Variants in FRMD4A observed in about 807,000 individuals in gnomAD.
FRMD4A encodes FERM domain-containing protein 4A.
In FRMD4A, 29 loss-of-function variants were observed where a neutral mutation model predicts 129.1. The ratio of observed to expected loss-of-function variants is 0.22; its 90% CI spans 0.17 to 0.31. FRMD4A has a LOEUF of 0.31. FRMD4A is among the 10% of genes least tolerant of loss of function. FRMD4A has a pLI of 1.00. For synonymous variants in FRMD4A, 634 were observed against 571.6 expected (o/e 1.11, Z -1.56); for missense variants, 1,272 against 1,375.8 (o/e 0.92, Z 1.19).
chr10:14,089,951 T>C (rs377461555), intron 2 of FRMD4A, among the ~76,000 whole-genome samples: 19 of 152,370 alleles, frequency 1.2e-4, no homozygotes, highest in African/African-American at 4.6e-4. Flanking sequence ...AAATAGATCT[T>C]GCTCTACCCT....
intron 2 of FRMD4A, among the ~76,000 whole-genome samples, chr10:13,863,520 G>A (rs563833269): frequency 6.6e-6 from 1 of 152,320 alleles, no homozygotes; most frequent in Admixed American, 6.5e-5. Context: ...AACCCAGGAG[G>A]TGGTGGTTGC....
chr10:14,032,554 C>G (rs1212517574), intron 2 of FRMD4A, among the ~76,000 whole-genome samples: 1 of 152,196 alleles, frequency 6.6e-6, no homozygotes, highest in African/African-American at 2.4e-5. Flanking sequence ...TATCCACACC[C>G]GCGACCCCTC....
At chr10:14,115,517 T>C (rs1020646096) in intron 2 of FRMD4A, among the ~76,000 whole-genome samples, 2 of 152,230 alleles carry the variant, frequency 1.3e-5, no homozygotes, top group East Asian at 3.8e-4. Flanking sequence ...TTTGGATATT[T>C]GTCCCCTTTT....
At chr10:13,954,714 G>A (rs2095397911) in intron 2 of FRMD4A, among the ~76,000 whole-genome samples, 1 of 152,188 alleles carries the variant, frequency 6.6e-6, no homozygotes, top group Non-Finnish European at 1.5e-5. Flanking sequence ...GGCAGCCTGT[G>A]TGAGTTATTG....
intron 2 of FRMD4A, among the ~76,000 whole-genome samples, chr10:13,984,513 A>G (rs972994059): frequency 6.6e-6 from 1 of 152,192 alleles, no homozygotes; most frequent in African/African-American, 2.4e-5. Flanking sequence ...CGACCTCTGT[A>G]CCCATTAAAC....
At chr10:13,714,875 T>G (rs1331099034) in intron 12 of FRMD4A, among the ~76,000 whole-genome samples, 1 of 151,588 alleles carries the variant, frequency 6.6e-6, no homozygotes, top group Non-Finnish European at 1.5e-5. Context: ...CTGTCTCTAC[T>G]AAAAATACAA....
At chr10:13,880,557 C>T (rs1325912246) in intron 2 of FRMD4A, among the ~76,000 whole-genome samples, 2 of 152,170 alleles carry the variant, frequency 1.3e-5, no homozygotes, top group African/African-American at 4.8e-5. Flanking sequence ...GGAGAGCCCC[C>T]CAGGGTAGAG....
intron 2 of FRMD4A, among the ~76,000 whole-genome samples, chr10:14,218,082 G>C (rs1181584689): frequency 6.6e-6 from 1 of 152,096 alleles, no homozygotes; most frequent in Admixed American, 6.6e-5. Context: ...CACCCGCCTG[G>C]GCCTCCCAAA....
chr10:14,086,434 A>C (rs1343651962), intron 2 of FRMD4A, among the ~76,000 whole-genome samples: 1 of 152,206 alleles, frequency 6.6e-6, no homozygotes, highest in Non-Finnish European at 1.5e-5. Context: ...ATTATGTAAA[A>C]AAATCTTCAT....
intron 2 of FRMD4A, among the ~76,000 whole-genome samples, chr10:14,170,027 C>T (rs1841392769): frequency 1.3e-5 from 2 of 152,148 alleles, no homozygotes; most frequent in African/African-American, 4.8e-5. Flanking sequence ...GCACTATTCT[C>T]CATGGAATCC....
At chr10:13,739,767 T>C (rs1055852891) in intron 11 of FRMD4A, among the ~76,000 whole-genome samples, 3 of 152,052 alleles carry the variant, frequency 2.0e-5, no homozygotes, top group African/African-American at 7.2e-5. Context: ...CCTGACCAAG[T>C]CCTCCACAAC....
At chr10:14,262,313 C>G (rs915799341) in intron 2 of FRMD4A, among the ~76,000 whole-genome samples, 1 of 152,188 alleles carries the variant, frequency 6.6e-6, no homozygotes, top group African/African-American at 2.4e-5. Context: ...GAGTTACCCA[C>G]CATCTCTGAA....
At chr10:13,749,635 A>C (rs2091469318) in intron 8 of FRMD4A, among the ~76,000 whole-genome samples, 1 of 152,108 alleles carries the variant, frequency 6.6e-6, no homozygotes, top group Non-Finnish European at 1.5e-5. Flanking sequence ...GTGATAAAGA[A>C]AGACATGGAG....
At chr10:13,751,318 A>G (rs2091613308) in intron 8 of FRMD4A, among the ~76,000 whole-genome samples, 1 of 152,220 alleles carries the variant, frequency 6.6e-6, no homozygotes, top group African/African-American at 2.4e-5. Flanking sequence ...ACACAAAAAA[A>G]TCTAACAAGA....
chr10:14,018,422 C>T (rs1239758656), intron 2 of FRMD4A, among the ~76,000 whole-genome samples: 2 of 135,024 alleles, frequency 1.5e-5, no homozygotes, highest in Non-Finnish European at 3.1e-5. Flanking sequence ...TGCCACTGCA[C>T]TCCAGCCTGG....
chr10:13,993,663 A>G (rs866648275), intron 2 of FRMD4A, among the ~76,000 whole-genome samples: 6 of 152,202 alleles, frequency 3.9e-5, no homozygotes, highest in African/African-American at 1.4e-4. Flanking sequence ...AAGTTGTTCT[A>G]TCAGGCAATA....
chr10:13,881,726 G>A (rs896477148), intron 2 of FRMD4A, among the ~76,000 whole-genome samples: 5 of 151,986 alleles, frequency 3.3e-5, no homozygotes, highest in East Asian at 1.9e-4. Context: ...CCTAAAAAGC[G>A]ACGGTGGGAG....
chr10:14,302,403 A>G (rs958882720), intron 2 of FRMD4A, among the ~76,000 whole-genome samples: 1 of 152,202 alleles, frequency 6.6e-6, no homozygotes, highest in Non-Finnish European at 1.5e-5. Context: ...CTTTGTATTA[A>G]AGGAACTTTG....
intron 2 of FRMD4A, among the ~76,000 whole-genome samples, chr10:14,276,768 T>C (rs1426404365): frequency 1.3e-5 from 2 of 152,244 alleles, no homozygotes; most frequent in African/African-American, 4.8e-5. Context: ...GACCTTCCCA[T>C]CTTCCTGCTC....
Sources: allele counts gnomAD v4.1 joint callset (sites outside exome capture counted in the v4.1 genomes callset), GRCh38; gene constraint gnomAD v4.1.1; transcripts MANE v1.5; gene names NCBI Gene and HGNC (gene_info 2026-07-23, HGNC 2026-07-21).